The following TMEM229B variants were observed in gnomAD, a reference collection of about 807,000 sequenced individuals.
TMEM229B encodes chromosome 14 open reading frame 83.
A neutral mutation model predicts 13.7 loss-of-function variants in TMEM229B; 6 were observed. The observed-to-expected ratio is 0.44, with a 90% CI of 0.24 to 0.86. The LOEUF is 0.86. Ranked by LOEUF, TMEM229B falls within the 40% of genes least tolerant of loss-of-function variation. TMEM229B has a pLI of 0.23. For synonymous variants in TMEM229B, 107 were observed against 102.1 expected, an observed-to-expected ratio of 1.05 and a Z score of -0.29; for missense variants, 170 against 236.0, an observed-to-expected ratio of 0.72 and a Z score of 1.83.
At chr14:67,519,411 G>A (rs569770549), upstream of TMEM229B, among the ~76,000 whole-genome samples, 10 of 152,366 alleles carry the variant, frequency 6.6e-5, no homozygotes, top group East Asian at 1.9e-3. Context: ...CCTCGGGGCT[G>A]TCCTGCCAGA....
At chr14:67,489,906 C>T (rs975177593), upstream of TMEM229B, among the ~76,000 whole-genome samples, 3 of 151,852 alleles carry the variant, frequency 2.0e-5, no homozygotes, top group Non-Finnish European at 4.4e-5. Flanking sequence ...AGGAGAATGG[C>T]GTGAACCTGG....
intron 1 of TMEM229B, among the ~76,000 whole-genome samples, chr14:67,531,751 T>C (rs1362661732): frequency 6.7e-6 from 1 of 149,512 alleles, no homozygotes. Flanking sequence ...AAAATTTTTT[T>C]TTTTTTTTTT....
At chr14:67,522,923 CG>C (rs1328235210) in intron 1 of TMEM229B, among the ~76,000 whole-genome samples, 2 of 152,184 alleles carry the variant, frequency 1.3e-5, no homozygotes, top group Admixed American at 1.3e-4. Context: ...CTATCTTGTC[CG>C]GGGAATTAGT....
At chr14:67,529,742 C>A (rs1246871968) in intron 1 of TMEM229B, among the ~76,000 whole-genome samples, 1 of 152,180 alleles carries the variant, frequency 6.6e-6, no homozygotes, top group African/African-American at 2.4e-5. Flanking sequence ...CTGACAATCA[C>A]CGAAGAGCCA....
chr14:67,507,433 G>C (rs1313752321), intron 1 of TMEM229B, among the ~76,000 whole-genome samples: 1 of 152,066 alleles, frequency 6.6e-6, no homozygotes, highest in African/African-American at 2.4e-5. Flanking sequence ...GCAGGGATAG[G>C]GGGAAGAATC....
intron 2 of TMEM229B, among the ~76,000 whole-genome samples, chr14:67,484,480 C>A (rs1378422760): frequency 6.6e-6 from 1 of 152,156 alleles, no homozygotes; most frequent in African/African-American, 2.4e-5. Flanking sequence ...AACATGTGCT[C>A]ACAGCTGAAA....
At chr14:67,503,939 T>C (rs1022326522) in intron 1 of TMEM229B, among the ~76,000 whole-genome samples, 56 of 152,162 alleles carry the variant, frequency 3.7e-4, no homozygotes, top group African/African-American at 1.2e-3. Flanking sequence ...CCTGACCTCG[T>C]GATCTGCCTG....
At chr14:67,476,074 C>A (rs891837183) in intron 2 of TMEM229B, among the ~76,000 whole-genome samples, 1 of 152,204 alleles carries the variant, frequency 6.6e-6, no homozygotes, top group African/African-American at 2.4e-5. Flanking sequence ...CCAGCTCTGC[C>A]AGCTGCTAAT....
chr14:67,519,636 C>G (rs564173218), upstream of TMEM229B, among the ~76,000 whole-genome samples: 37 of 152,062 alleles, frequency 2.4e-4, no homozygotes, highest in Admixed American at 1.2e-3. Context: ...CAAGTACCCC[C>G]CAAACAGCGA....
At chr14:67,524,958 G>A (rs990886800) in intron 1 of TMEM229B, among the ~76,000 whole-genome samples, 1 of 152,198 alleles carries the variant, frequency 6.6e-6, no homozygotes, top group Non-Finnish European at 1.5e-5. Flanking sequence ...GGTTATGGGT[G>A]CACACTCTGG....
intron 1 of TMEM229B, among the ~76,000 whole-genome samples, chr14:67,522,022 A>C (rs2033298327): frequency 6.6e-6 from 1 of 152,040 alleles, no homozygotes; most frequent in South Asian, 2.1e-4. Flanking sequence ...AAAAATACAA[A>C]AATTAGCCGG....
chr14:67,500,989 T>C (rs939026728), intron 1 of TMEM229B, among the ~76,000 whole-genome samples: 7 of 151,178 alleles, frequency 4.6e-5, no homozygotes, highest in African/African-American at 1.5e-4. Context: ...CAAGGTTCAT[T>C]TGGGATCCAA....
At chr14:67,523,409 TC>T (rs2140274171) in intron 1 of TMEM229B, among the ~76,000 whole-genome samples, 1 of 152,270 alleles carries the variant, frequency 6.6e-6, no homozygotes, top group African/African-American at 2.4e-5. Context: ...AACTTGTTAT[TC>T]AATTCAACAA....
chr14:67,499,064 G>A (rs939182202), intron 1 of TMEM229B, among the ~76,000 whole-genome samples: 18 of 152,040 alleles, frequency 1.2e-4, no homozygotes, highest in African/African-American at 3.6e-4. Context: ...GTTCAGTGGT[G>A]TGATCATAGG....
chr14:67,481,905 C>T (rs2031610374), intron 2 of TMEM229B, among the ~76,000 whole-genome samples: 1 of 152,158 alleles, frequency 6.6e-6, no homozygotes, highest in Admixed American at 6.5e-5. Flanking sequence ...AGACCTGTGA[C>T]ATGAAGATAG....
At chr14:67,476,245 C>G (rs2140051732) in intron 2 of TMEM229B, among the ~76,000 whole-genome samples, 1 of 152,332 alleles carries the variant, frequency 6.6e-6, no homozygotes, top group African/African-American at 2.4e-5. Context: ...GTGCATTGCT[C>G]TGTGGTCTTC....
intron 1 of TMEM229B, among the ~76,000 whole-genome samples, chr14:67,530,518 T>G (rs1026248809): frequency 6.6e-6 from 1 of 152,210 alleles, no homozygotes; most frequent in Non-Finnish European, 1.5e-5. Flanking sequence ...TGTGTGTATA[T>G]AAAGTGACTC....
chr14:67,532,001 TC>T (rs2033474607), intron 1 of TMEM229B, among the ~76,000 whole-genome samples: 1 of 151,932 alleles, frequency 6.6e-6, no homozygotes, highest in South Asian at 2.1e-4. Context: ...TTATGCAACT[TC>T]TGGAATGTTG....
intron 1 of TMEM229B, among the ~76,000 whole-genome samples, chr14:67,514,373 G>A (rs1459436670): frequency 6.6e-6 from 1 of 152,050 alleles, no homozygotes; most frequent in African/African-American, 2.4e-5. Context: ...CCAGGAACCG[G>A]GCTGTAACAC....
Sources: gnomAD v4.1 joint callset for allele counts (sites outside exome capture counted in the v4.1 genomes callset) on GRCh38, gnomAD v4.1.1 for gene constraint, MANE v1.5 for transcripts, NCBI Gene and HGNC (gene_info 2026-07-23, HGNC 2026-07-21) for gene names.